KCNQ5: variants seen among roughly 807,000 people sequenced by gnomAD.
KCNQ5 encodes potassium voltage-gated channel subfamily Q member 5.
A neutral mutation model predicts 98.2 loss-of-function variants in KCNQ5; 30 were observed. That is an observed-to-expected ratio of 0.31 (90% CI 0.23 to 0.41). The LOEUF is 0.41. Among genes scored for constraint, KCNQ5 ranks in the 10% least tolerant of loss-of-function variants. The pLI, the probability that KCNQ5 is intolerant of heterozygous loss-of-function variation, is 1.00. For synonymous variants in KCNQ5, 458 were observed against 449.4 expected, an observed-to-expected ratio of 1.02 and a Z score of -0.24; for missense variants, 835 against 1,182.5, an observed-to-expected ratio of 0.71 and a Z score of 4.31.
chr6:72,893,970 T>C (rs1779152650), intron 1 of KCNQ5, among the ~76,000 whole-genome samples: 1 of 152,220 alleles, frequency 6.6e-6, no homozygotes, highest in Non-Finnish European at 1.5e-5. Context: ...AGGTATATAA[T>C]TGGGTGTTGT....
intron 1 of KCNQ5, among the ~76,000 whole-genome samples, chr6:72,827,847 A>G (rs1776069509): frequency 6.6e-6 from 1 of 151,834 alleles, no homozygotes; most frequent in African/African-American, 2.4e-5. Flanking sequence ...TCTCCTAGTA[A>G]TTTTATCATT....
intron 1 of KCNQ5, among the ~76,000 whole-genome samples, chr6:72,884,462 G>C (rs909838375): frequency 6.6e-6 from 1 of 152,144 alleles, no homozygotes; most frequent in African/African-American, 2.4e-5. Context: ...TGAGAGATGA[G>C]AGATAGCATC....
chr6:72,689,866 G>A (rs1243484129), intron 1 of KCNQ5, among the ~76,000 whole-genome samples: 1 of 151,588 alleles, frequency 6.6e-6, no homozygotes, highest in Non-Finnish European at 1.5e-5. Flanking sequence ...AATCTGATTG[G>A]GTAACTGATT....
chr6:72,954,663 G>T (rs570316146), intron 1 of KCNQ5, among the ~76,000 whole-genome samples: 1 of 152,212 alleles, frequency 6.6e-6, no homozygotes, highest in South Asian at 2.1e-4. Flanking sequence ...GTAGTCAGGG[G>T]TGGCAGGAAT....
chr6:72,628,854 C>A (rs2098919336), intron 1 of KCNQ5, among the ~76,000 whole-genome samples: 1 of 152,110 alleles, frequency 6.6e-6, no homozygotes, highest in African/African-American at 2.4e-5. Context: ...CTCAAGTGGT[C>A]TGCCCACCTC....
chr6:72,777,119 C>T (rs1253268106), intron 1 of KCNQ5, among the ~76,000 whole-genome samples: 1 of 152,182 alleles, frequency 6.6e-6, no homozygotes, highest in Non-Finnish European at 1.5e-5. Context: ...ACCAACAATG[C>T]TAGATCCTGG....
At chr6:72,638,071 A>G (rs1048294553) in intron 1 of KCNQ5, among the ~76,000 whole-genome samples, 32 of 152,208 alleles carry the variant, frequency 2.1e-4, no homozygotes, top group Non-Finnish European at 1.2e-4. Context: ...TCGTCCTGCA[A>G]TCCTTCCAAA....
intron 7 of KCNQ5, among the ~76,000 whole-genome samples, chr6:73,117,471 A>G (rs1775554697): frequency 6.6e-6 from 1 of 152,238 alleles, no homozygotes; most frequent in African/African-American, 2.4e-5. Context: ...ATAGCAAGAC[A>G]TCAGGTCTCA....
chr6:72,628,582 T>C (rs956308437), intron 1 of KCNQ5, among the ~76,000 whole-genome samples: 5 of 152,216 alleles, frequency 3.3e-5, no homozygotes, highest in African/African-American at 7.2e-5. Flanking sequence ...GTCTCTGTGC[T>C]ACATAGTAGC....
At chr6:72,702,751 T>TCC (rs1768882943) in intron 1 of KCNQ5, among the ~76,000 whole-genome samples, 3 of 152,158 alleles carry the variant, frequency 2.0e-5, no homozygotes, top group South Asian at 2.1e-4. Flanking sequence ...GCAATTGATT[T>TCC]AAAAAAATGG....
chr6:72,812,032 T>C (rs1397850480), intron 1 of KCNQ5, among the ~76,000 whole-genome samples: 2 of 152,182 alleles, frequency 1.3e-5, no homozygotes, highest in African/African-American at 4.8e-5. Flanking sequence ...CTTCCTGACG[T>C]TGCCATGGTA....
At chr6:73,129,049 T>C (rs1377959889) in intron 9 of KCNQ5, among the ~76,000 whole-genome samples, 1 of 152,246 alleles carries the variant, frequency 6.6e-6, no homozygotes, top group African/African-American at 2.4e-5. Flanking sequence ...CTGTGTGCAA[T>C]GAATGATCTG....
At chr6:72,930,393 G>A (rs1448708429) in intron 1 of KCNQ5, among the ~76,000 whole-genome samples, 1 of 151,994 alleles carries the variant, frequency 6.6e-6, no homozygotes, top group Non-Finnish European at 1.5e-5. Flanking sequence ...CAGAAAGACT[G>A]ATCCTTCATT....
At chr6:72,994,865 C>CATA (rs1349743653) in intron 1 of KCNQ5, among the ~76,000 whole-genome samples, 2 of 151,982 alleles carry the variant, frequency 1.3e-5, no homozygotes, top group African/African-American at 4.8e-5. Flanking sequence ...AATAGTTTCT[C>CATA]ATAATATTTT....
chr6:73,063,718 A>AGATAGATG (rs1562156287), intron 3 of KCNQ5, among the ~76,000 whole-genome samples: 3 of 94,248 alleles, frequency 3.2e-5, no homozygotes, highest in Non-Finnish European at 6.6e-5. Context: ...ATAGATAGAT[A>AGATAGATG]GATGATAGAT....
At position 73,195,793 on chromosome 6, in the gene KCNQ5, A is replaced by G. The variant is rs889325853; in HGVS notation, c.*379A>G. ...ATTTCTGCTTTGTGACTAAATACAA[A>G]CTACATTTTCAAGATTAGGCCATAA... On this transcript the variant is annotated 3_prime_UTR_variant, in exon 14 of 14. Coordinates refer to ENST00000370398, the MANE Select transcript of KCNQ5 (RefSeq NM_019842.4). The G allele has an allele frequency of 2.4e-5, 5 of 209,768 alleles. No individual in the cohort carries two copies. Among genetic ancestry groups the G allele is most frequent in the African/African-American group, 4.6e-5 (2 of 43,904 alleles). The allele number at this position is 209,768 out of a possible 1,614,324, so 13.0% of individuals were successfully genotyped here. A position where few individuals can be genotyped will look rare whatever the true frequency, so the allele number is the denominator to read the frequency against.
At chr6:73,056,028 A>C (rs1322393139) in intron 3 of KCNQ5, among the ~76,000 whole-genome samples, 1 of 152,182 alleles carries the variant, frequency 6.6e-6, no homozygotes, top group African/African-American at 2.4e-5. Flanking sequence ...CCCTTCATAC[A>C]TTCTAGTCAG....
At chr6:73,188,921 T>G (rs914030576) in intron 11 of KCNQ5, among the ~76,000 whole-genome samples, 6 of 145,344 alleles carry the variant, frequency 4.1e-5, no homozygotes, top group African/African-American at 1.6e-4. Context: ...AGGCAGAAAT[T>G]ACTACGAGCT....
At chr6:72,623,522 G>T (rs893800765) in intron 1 of KCNQ5, among the ~76,000 whole-genome samples, 1 of 151,638 alleles carries the variant, frequency 6.6e-6, no homozygotes, top group Admixed American at 6.6e-5. Flanking sequence ...CCTTTCAGTG[G>T]CTTTAAAGTT....
Sources: gnomAD v4.1 joint callset for allele counts (sites outside exome capture counted in the v4.1 genomes callset) on GRCh38, gnomAD v4.1.1 for gene constraint, MANE v1.5 for transcripts, NCBI Gene and HGNC (gene_info 2026-07-23, HGNC 2026-07-21) for gene names.